DHX9: variants seen among roughly 807,000 people sequenced by gnomAD.
The protein encoded by DHX9 is ATP-dependent RNA helicase A.
A neutral mutation model predicts 148.7 loss-of-function variants in DHX9; 27 were observed. That is an observed-to-expected ratio of 0.18 (90% confidence interval 0.13 to 0.25). The LOEUF is 0.25. Ranked by LOEUF, DHX9 falls within the 10% of genes least tolerant of loss-of-function variation. DHX9 has a pLI of 1.00. For missense variants in DHX9, 796 were observed against 1,559.6 expected (o/e 0.51, Z 8.25); for synonymous variants, 529 against 516.6 (o/e 1.02, Z -0.33).
At position 182,858,561 on chromosome 1, in the gene DHX9, A is replaced by G; in HGVS notation, c.821A>G (p.Tyr274Cys). 6.2e-7 allele frequency: 1 copy of G among 1,609,388 alleles called. No individual in the cohort carries two copies. Among genetic ancestry groups the G allele is most frequent in the Non-Finnish European group, 8.5e-7 (1 of 1,177,306 alleles). ...KKKEGETVEP[Y>C]KVNLSQDLEH... Reference sequence around the variant, plus strand: ...ATCCTTTTTCCATAGGTGGAGCCTTACAAAGTAAACCTCTCTCAAGATTTA... The same window carrying G: ...ATCCTTTTTCCATAGGTGGAGCCTTGCAAAGTAAACCTCTCTCAAGATTTA... The change falls in exon 9 of 28, where the codon TAC becomes TGC. Residue 274 changes from tyrosine to cysteine, a missense_variant. Around this residue, in one of 14 missense-constraint regions of DHX9, gnomAD observed 63 missense variants for 78.6 expected, o/e 0.80. Coordinates refer to ENST00000367549, the MANE Select transcript of DHX9 (RefSeq NM_001357.5).
rs376992047 is a variant in DHX9, at chr1:182,859,132, T to C, written c.1140+15T>C. The C allele has an allele frequency of 3.0e-4, 475 of 1,607,656 alleles. 1 individual carries two copies. The highest frequency in any genetic ancestry group is 4.7e-4 in the South Asian group (43 of 90,816). On this transcript the variant is annotated intron_variant, in intron 11 of 27. Transcript: ENST00000367549. ...ATTTGCAAGCAGTAAGTCTGAATTA[T>C]TTAGACAAGTAGTGCTCAGAGCTTC...
At chr1:182,868,260 A>G (rs1305276474) in intron 14 of DHX9, among the ~76,000 whole-genome samples, 2 of 152,214 alleles carry the variant, frequency 1.3e-5, no homozygotes, top group Non-Finnish European at 2.9e-5. Context: ...GAAAGAAGCT[A>G]GAGGAGACAT....
chr1:182,854,343 C>T (rs1668215845), intron 6 of DHX9, among the ~76,000 whole-genome samples, 165 bp downstream of exon 6: 1 of 152,152 alleles, frequency 6.6e-6, no homozygotes, highest in Non-Finnish European at 1.5e-5. Context: ...TTGATTTGTG[C>T]AGTTTCCATG....
chr1:182,848,012 CTG>C (rs548872918), intron 3 of DHX9, among the ~76,000 whole-genome samples: 12 of 152,132 alleles, frequency 7.9e-5, no homozygotes, highest in Non-Finnish European at 1.5e-4. Context: ...ATTAAATGCT[CTG>C]TGGATTTCCT....
intron 12 of DHX9, among the ~76,000 whole-genome samples, chr1:182,861,463 G>A (rs1455250021): frequency 2.6e-5 from 4 of 152,174 alleles, no homozygotes; most frequent in African/African-American, 9.7e-5. Flanking sequence ...TTGTTCAAGA[G>A]TGCAATTTTA....
intron 6 of DHX9, 142 bp downstream of exon 6, chr1:182,854,320 A>C (rs1251109426): frequency 1.3e-6 from 1 of 799,056 alleles, no homozygotes; most frequent in African/African-American, 1.7e-5. Flanking sequence ...GTTAATTTGC[A>C]CAAGAATAAT....
chr1:182,843,550 A>G lies in DHX9; in HGVS notation c.252+116A>G, dbSNP rs1667969773. The stretch of plus-strand genomic sequence containing the variant: ...TGTTTTCAGATATATCGTGTTTCGT[A>G]ATGAAATTTGGCATCTTGTTTTGTC... On this transcript the variant is annotated intron_variant, in intron 3 of 27. Transcript: ENST00000367549. The G allele has an allele frequency of 3.6e-6, 4 of 1,124,468 alleles. No individual in the cohort carries two copies. The South Asian group carries it at 8.4e-5, about 24-fold the overall frequency. The allele number at this position is 1,124,468 out of a possible 1,614,324, so 69.7% of individuals were successfully genotyped here. A position where few individuals can be genotyped will look rare whatever the true frequency, so the allele number is the denominator to read the frequency against.
intron 12 of DHX9, among the ~76,000 whole-genome samples, chr1:182,865,921 A>G (rs575104795): frequency 2.5e-4 from 37 of 149,394 alleles, no homozygotes; most frequent in African/African-American, 8.5e-4. Context: ...GGAAATAGCA[A>G]TACACACAGT....
At chr1:182,886,034 A>G (rs1393988843) in intron 27 of DHX9, among the ~76,000 whole-genome samples, 1 of 152,204 alleles carries the variant, frequency 6.6e-6, no homozygotes, top group Non-Finnish European at 1.5e-5. Flanking sequence ...GGCTTAAATT[A>G]CAGTAGTAGA....
chr1:182,870,979 ACTGTATTGGG>A (rs1185528433), intron 14 of DHX9, among the ~76,000 whole-genome samples: 74 of 152,348 alleles, frequency 4.9e-4, no homozygotes, highest in Admixed American at 1.2e-3. Flanking sequence ...GATTAATGCT[ACTGTATTGGG>A]CAGCATAGTC....
intron 11 of DHX9, 71 bp downstream of exon 11, chr1:182,859,188 T>C: frequency 2.2e-6 from 3 of 1,392,282 alleles, no homozygotes; most frequent in Non-Finnish European, 3.0e-6. Context: ...AAAAAGTCAA[T>C]GAGCAGTACA....
chr1:182,886,750 T>C (rs139641222), intron 27 of DHX9, among the ~76,000 whole-genome samples: 1,651 of 152,340 alleles, frequency 0.011, 13 homozygotes, highest in Middle Eastern at 0.031. Flanking sequence ...AAAGACCAAA[T>C]AGTTTATTGG....
chr1:182,875,731 C>G (rs1648733114), intron 16 of DHX9, among the ~76,000 whole-genome samples: 1 of 152,138 alleles, frequency 6.6e-6, no homozygotes, highest in Non-Finnish European at 1.5e-5. Flanking sequence ...CAAATGTAAA[C>G]TTTTTGGAAA....
At chr1:182,880,430 GTAATGT>G in intron 21 of DHX9, 61 bp from the exon 22 acceptor site, 1 of 1,052,008 alleles carries the variant, frequency 9.5e-7, no homozygotes, top group Non-Finnish European at 1.5e-6. Context: ...TTAATTTAGA[GTAATGT>G]TTTGTCTGCC....
At chr1:182,864,122 C>T in intron 12 of DHX9, among the ~76,000 whole-genome samples, 1 of 152,134 alleles carries the variant, frequency 6.6e-6, no homozygotes, top group Middle Eastern at 3.2e-3. Context: ...GAGACAGGGT[C>T]TTACTCTGTT....
chr1:182,869,570 A>T (rs147828542), intron 14 of DHX9, among the ~76,000 whole-genome samples: 175 of 152,024 alleles, frequency 1.2e-3, no homozygotes, highest in African/African-American at 4.2e-3. Flanking sequence ...TCTGGTCCTG[A>T]CCAGTGTTGT....
chr1:182,846,471 T>A (rs1186422922), intron 3 of DHX9, among the ~76,000 whole-genome samples: 1 of 152,178 alleles, frequency 6.6e-6, no homozygotes, highest in Non-Finnish European at 1.5e-5. Flanking sequence ...CAACCTCAGG[T>A]TATCTGCCCG....
chr1:182,857,257 C>T (rs919769924), intron 7 of DHX9, among the ~76,000 whole-genome samples: 8 of 152,162 alleles, frequency 5.3e-5, no homozygotes, highest in Non-Finnish European at 2.9e-5. Context: ...CTTACCTTAT[C>T]GAGGTTAATT....
chr1:182,862,819 T>G (rs1402938506), intron 12 of DHX9, among the ~76,000 whole-genome samples: 5 of 152,210 alleles, frequency 3.3e-5, no homozygotes, highest in Admixed American at 6.5e-5. Context: ...AATAACAGTT[T>G]GGGAGAGATC....
Sources: gnomAD v4.1 joint callset for allele counts (sites outside exome capture counted in the v4.1 genomes callset) on GRCh38, gnomAD v4.1.1 for gene constraint, gnomAD v4.1.1 regional missense constraint, MANE v1.5 for transcripts, NCBI Gene and HGNC (gene_info 2026-07-23, HGNC 2026-07-21) for gene names.